Variants in OTUD7A observed in about 807,000 individuals in gnomAD.
OTUD7A encodes the protein OTU domain-containing protein 7A.
Under a neutral mutation model 65.7 loss-of-function variants are expected in OTUD7A, and 12 were observed. The observed-to-expected ratio is 0.18, with a 90% CI of 0.12 to 0.30. The LOEUF is 0.30. Among genes scored for constraint, OTUD7A ranks in the 10% least tolerant of loss-of-function variants. The pLI is 1.00. For synonymous variants in OTUD7A, 641 were observed against 586.3 expected, an observed-to-expected ratio of 1.09 and a Z score of -1.35; for missense variants, 1,148 against 1,304.8, an observed-to-expected ratio of 0.88 and a Z score of 1.85.
chr15:31,558,518 G>C (rs1043389707), intron 5 of OTUD7A: 31 of 182,474 alleles, frequency 1.7e-4, no homozygotes, highest in African/African-American at 7.3e-4. Flanking sequence ...CGGGTCAGCA[G>C]TCTCCTCATC....
At chr15:31,591,205 A>G (rs1271133172) in intron 3 of OTUD7A, among the ~76,000 whole-genome samples, 2 of 151,972 alleles carry the variant, frequency 1.3e-5, no homozygotes, top group Non-Finnish European at 2.9e-5. Context: ...TGGGAGTTTG[A>G]GAGATTTGGT....
intron 1 of OTUD7A, among the ~76,000 whole-genome samples, chr15:31,858,644 A>G (rs974232155): frequency 2.0e-5 from 3 of 152,232 alleles, no homozygotes; most frequent in Non-Finnish European, 4.4e-5. Flanking sequence ...GAGACACAGG[A>G]GAATGAGGCA....
rs563278455 is a variant in OTUD7A, at chr15:31,848,067, T to C, written c.-100+22440A>G. On this transcript the variant is annotated intron_variant, in intron 1 of 12. Coordinates refer to ENST00000307050, the MANE Select transcript of OTUD7A (RefSeq NM_001382637.1). ...GGAGGGGACACAGAGCTAGATCATA[T>C]CAACCTGCAACTTGCCCTTCAGGAG... 3.2e-4 allele frequency among the ~76,000 whole-genome samples: 49 copies of C among 152,306 alleles called. 1 individual carries two copies. In the Middle Eastern group the frequency reaches 0.031, roughly 95 times the overall value.
At chr15:31,536,266 T>A (rs1373108137) in intron 5 of OTUD7A, among the ~76,000 whole-genome samples, 2 of 152,262 alleles carry the variant, frequency 1.3e-5, no homozygotes, top group Non-Finnish European at 2.9e-5. Flanking sequence ...ATTTACATGT[T>A]AGGCAGGTGA....
chr15:31,497,050 C>T (rs2041396150), intron 10 of OTUD7A, among the ~76,000 whole-genome samples: 1 of 152,130 alleles, frequency 6.6e-6, no homozygotes, highest in Admixed American at 6.5e-5. Context: ...ACCAGCATCT[C>T]CCCCTCCATC....
intron 5 of OTUD7A, among the ~76,000 whole-genome samples, chr15:31,545,151 C>A (rs1888092902): frequency 6.6e-6 from 1 of 151,998 alleles, no homozygotes; most frequent in African/African-American, 2.4e-5. Flanking sequence ...CAGACCCACA[C>A]CTACACAGTC....
Position 31,829,699 on chromosome 15 carries a change from C to T in OTUD7A, c.-100+40808G>A, listed in dbSNP as rs147741238. 5.3e-3 allele frequency among the ~76,000 whole-genome samples: 807 copies of T among 152,280 alleles called. 8 individuals are homozygous for T. The highest frequency in any genetic ancestry group is 0.019 in the African/African-American group (777 of 41,558). On this transcript the variant is annotated intron_variant, in intron 1 of 12. Transcript: ENST00000307050. ...CAGTTCTGAAGAAAGATCCTATCTC[C>T]AACACAACCCAGGGAGACAGAAAAC...
chr15:31,510,414 C>T (rs997177299), intron 8 of OTUD7A, among the ~76,000 whole-genome samples: 1 of 149,736 alleles, frequency 6.7e-6, no homozygotes, highest in Non-Finnish European at 1.5e-5. Context: ...GAGCGACTGG[C>T]AGGAGTGGAG....
At position 31,483,135 on chromosome 15, in the gene OTUD7A, G is replaced by T; in HGVS notation, c.*159C>A. ...TACTACCTGAGTGGCGTCAGTGTAG[G>T]TTCAGGCACCATTAGGAACGTTTGA... On this transcript the variant is annotated 3_prime_UTR_variant, in exon 13 of 13. Coordinates refer to ENST00000307050, the MANE Select transcript of OTUD7A (RefSeq NM_001382637.1). 1 of 666,826 alleles carries T rather than the reference G, an allele frequency of 1.5e-6. No homozygotes were observed. Among genetic ancestry groups the T allele is most frequent in the Non-Finnish European group, 1.9e-6 (1 of 531,330 alleles). 41.3% of individuals were successfully genotyped at this position (666,826 alleles called of 1,614,324 possible).
intron 1 of OTUD7A, among the ~76,000 whole-genome samples, chr15:31,679,569 T>C (rs975354116): frequency 3.3e-5 from 5 of 152,178 alleles, no homozygotes; most frequent in African/African-American, 4.8e-5. Flanking sequence ...TCATGAGATA[T>C]GATGGCTCTC....
chr15:31,610,604 TA>T (rs1890375877), intron 3 of OTUD7A, among the ~76,000 whole-genome samples: 1 of 43,420 alleles, frequency 2.3e-5, no homozygotes, highest in South Asian at 7.9e-4. Context: ...TATATATATA[TA>T]TATATATATA....
chr15:31,860,894 T>C (rs1174372382), intron 1 of OTUD7A, among the ~76,000 whole-genome samples: 21 of 71,484 alleles, frequency 2.9e-4, no homozygotes, highest in Non-Finnish European at 6.8e-4. Context: ...TTTTTTTTTG[T>C]ATTTTTAGTA....
In OTUD7A at chr15:31,655,088, G is replaced by A; in HGVS notation, c.151+8C>T. 3 of 1,607,952 alleles carry A rather than the reference G, an allele frequency of 1.9e-6. No individual in the cohort carries two copies. The highest frequency in any genetic ancestry group is 2.5e-6 in the Non-Finnish European group (3 of 1,178,120). On this transcript the variant is annotated splice_region_variant and intron_variant, in intron 3 of 12. Transcript: ENST00000307050. Reference sequence around the variant, plus strand: ...ATGGTGGTGTGGGGAACAAGGAGGTGGGCTTACCTTCCAGCAGGTCTCTGG... The same window carrying A: ...ATGGTGGTGTGGGGAACAAGGAGGTAGGCTTACCTTCCAGCAGGTCTCTGG...
chr15:31,631,312 T>C (rs2141249741), intron 3 of OTUD7A, among the ~76,000 whole-genome samples: 1 of 152,306 alleles, frequency 6.6e-6, no homozygotes, highest in African/African-American at 2.4e-5. Flanking sequence ...AGCATTTGCT[T>C]GTCTGTAAAG....
chr15:31,783,628 T>G (rs1164018609), intron 1 of OTUD7A, among the ~76,000 whole-genome samples: 1 of 152,190 alleles, frequency 6.6e-6, no homozygotes, highest in East Asian at 1.9e-4. Flanking sequence ...TGTGTAAGTG[T>G]TCCTGATATT....
intron 1 of OTUD7A, chr15:31,766,907 T>A (rs745325881): frequency 8.1e-6 from 13 of 1,609,836 alleles, no homozygotes; most frequent in Non-Finnish European, 1.0e-5. Context: ...ACATCTACAA[T>A]TCCTTCCAAA....
chr15:31,782,337 G>C (rs1171973032), intron 1 of OTUD7A, among the ~76,000 whole-genome samples: 1 of 152,252 alleles, frequency 6.6e-6, no homozygotes, highest in Non-Finnish European at 1.5e-5. Flanking sequence ...TCACAGAAGA[G>C]CATAACCAGT....
At chr15:31,767,156 C>G (rs1448774292) in intron 1 of OTUD7A, 2 of 1,363,398 alleles carry the variant, frequency 1.5e-6, no homozygotes, top group African/African-American at 2.9e-5. Context: ...GAAGGCGGCA[C>G]TCAGTTGATT....
chr15:31,781,104 G>T (rs548940278), intron 1 of OTUD7A, among the ~76,000 whole-genome samples: 1 of 152,242 alleles, frequency 6.6e-6, no homozygotes, highest in South Asian at 2.1e-4. Context: ...CTTCCAGTGA[G>T]AGGAGGGGTT....
Sources: allele counts gnomAD v4.1 joint callset (sites outside exome capture counted in the v4.1 genomes callset), GRCh38; gene constraint gnomAD v4.1.1; transcripts MANE v1.5; gene names NCBI Gene and HGNC (gene_info 2026-07-23, HGNC 2026-07-21).